TBC1D5: variants seen among roughly 807,000 people sequenced by gnomAD.
TBC1D5 encodes the protein TBC1 domain family, member 5.
A neutral mutation model predicts 100.3 loss-of-function variants in TBC1D5; 75 were observed. The observed-to-expected ratio is 0.75, with a 90% CI of 0.62 to 0.91. The LOEUF (loss-of-function observed/expected upper bound fraction) is 0.91. Ranked by LOEUF, TBC1D5 falls within the 40% of genes least tolerant of loss-of-function variation. The probability of loss-of-function intolerance (pLI) is 0.00; values close to 1 mark genes in which losing one functional copy is unlikely to be tolerated. For synonymous variants in TBC1D5, 323 were observed against 325.6 expected (o/e 0.99, Z 0.09); for missense variants, 910 against 942.4 (o/e 0.97, Z 0.45).
At chr3:17,352,698 A>C (rs191690413) in intron 13 of TBC1D5, among the ~76,000 whole-genome samples, 8,578 of 150,044 alleles carry the variant, frequency 0.057, 553 homozygotes, top group African/African-American at 0.15. Context: ...AAAAAAAAAA[A>C]ACAAAAAAAC....
intron 17 of TBC1D5, among the ~76,000 whole-genome samples, chr3:17,230,597 A>T (rs2075329025): frequency 6.6e-6 from 1 of 151,988 alleles, no homozygotes; most frequent in Non-Finnish European, 1.5e-5. Flanking sequence ...GTTTTTTTTT[A>T]ACCTTTTTAT....
At chr3:17,238,405 C>A in exon 17 of TBC1D5, 1 of 1,612,350 alleles carries the variant, frequency 6.2e-7, no homozygotes, top group East Asian at 2.2e-5. Flanking sequence ...CAGGGGAGCA[C>A]CTTTGGCATT....
intron 8 of TBC1D5, among the ~76,000 whole-genome samples, chr3:17,390,087 A>G (rs2152312366): frequency 6.6e-6 from 1 of 152,286 alleles, no homozygotes. Context: ...TATACATGAT[A>G]GAATGGCTAC....
chr3:17,440,270 A>T (rs895840264), intron 3 of TBC1D5, among the ~76,000 whole-genome samples: 14 of 152,172 alleles, frequency 9.2e-5, no homozygotes, highest in Non-Finnish European at 1.6e-4. Flanking sequence ...GCATATGCCA[A>T]GATTCTGTGG....
At chr3:17,549,013 G>C (rs985602583) in intron 2 of TBC1D5, among the ~76,000 whole-genome samples, 1 of 152,118 alleles carries the variant, frequency 6.6e-6, no homozygotes, top group Non-Finnish European at 1.5e-5. Flanking sequence ...ATTATCAAGT[G>C]GTGGCCAGGC....
At chr3:17,635,845 G>A (rs535751127) in intron 1 of TBC1D5, among the ~76,000 whole-genome samples, 2 of 152,136 alleles carry the variant, frequency 1.3e-5, no homozygotes, top group African/African-American at 4.8e-5. Flanking sequence ...AAGTTTTACT[G>A]CCAAAATGAA....
At chr3:17,706,050 G>C in intron 1 of TBC1D5, 1 of 1,580,062 alleles carries the variant, frequency 6.3e-7, no homozygotes, top group Non-Finnish European at 8.6e-7. Flanking sequence ...CTTTAAGGTG[G>C]GAGCCTACTG....
intron 3 of TBC1D5, among the ~76,000 whole-genome samples, chr3:17,484,999 CAG>C (rs1381777167): frequency 1.3e-5 from 2 of 151,926 alleles, no homozygotes; most frequent in East Asian, 3.9e-4. Flanking sequence ...TATTATTTAA[CAG>C]AGATATGATA....
At chr3:17,576,760 A>G (rs1204089164) in intron 2 of TBC1D5, among the ~76,000 whole-genome samples, 1 of 152,030 alleles carries the variant, frequency 6.6e-6, no homozygotes, top group Non-Finnish European at 1.5e-5. Context: ...ACCCATTTTG[A>G]GCAGTTAGAC....
chr3:17,583,241 T>C (rs1045965496), intron 2 of TBC1D5, among the ~76,000 whole-genome samples: 5 of 152,062 alleles, frequency 3.3e-5, no homozygotes, highest in African/African-American at 1.2e-4. Context: ...GCTGAGATCA[T>C]GCCACTGCAC....
At chr3:17,194,018 A>G (rs968240649) in intron 18 of TBC1D5, among the ~76,000 whole-genome samples, 2 of 152,220 alleles carry the variant, frequency 1.3e-5, no homozygotes, top group Non-Finnish European at 2.9e-5. Context: ...ATGAATAAAA[A>G]TCAGCTGGGG....
chr3:17,315,555 T>G (rs565203253), intron 13 of TBC1D5, among the ~76,000 whole-genome samples: 29 of 152,308 alleles, frequency 1.9e-4, no homozygotes, highest in Non-Finnish European at 3.7e-4. Flanking sequence ...AAACATGCAT[T>G]TAAAATGCTA....
At chr3:17,218,810 T>G (rs1358896832) in intron 17 of TBC1D5, among the ~76,000 whole-genome samples, 1 of 152,020 alleles carries the variant, frequency 6.6e-6, no homozygotes, top group Non-Finnish European at 1.5e-5. Context: ...TCATGAGCTG[T>G]TCTTCTATTG....
intron 1 of TBC1D5, among the ~76,000 whole-genome samples, chr3:17,726,099 C>G (rs1205668982): frequency 6.6e-6 from 1 of 152,176 alleles, no homozygotes; most frequent in African/African-American, 2.4e-5. Flanking sequence ...ACCACATTTT[C>G]TTTATCCAGT....
intron 19 of TBC1D5, among the ~76,000 whole-genome samples, chr3:17,173,883 C>A (rs1261529977): frequency 1.3e-5 from 2 of 152,262 alleles, no homozygotes; most frequent in Non-Finnish European, 2.9e-5. Context: ...GAGAGAGGGG[C>A]AGACCTGTCA....
At chr3:17,362,508 G>C (rs2091812889) in intron 13 of TBC1D5, among the ~76,000 whole-genome samples, 1 of 151,286 alleles carries the variant, frequency 6.6e-6, no homozygotes, top group Non-Finnish European at 1.5e-5. Context: ...GTCTCACTCT[G>C]TCGTCCAGGC....
intron 3 of TBC1D5, among the ~76,000 whole-genome samples, chr3:17,462,685 C>T (rs2095236820): frequency 6.6e-6 from 1 of 152,108 alleles, no homozygotes; most frequent in Non-Finnish European, 1.5e-5. Context: ...GAAAGTTCAC[C>T]TGGGTTCCTT....
At chr3:17,458,183 G>C (rs780383801) in intron 3 of TBC1D5, among the ~76,000 whole-genome samples, 1 of 152,050 alleles carries the variant, frequency 6.6e-6, no homozygotes, top group South Asian at 2.1e-4. Context: ...CCTTCTCCAT[G>C]ATCCTTCTCC....
chr3:17,444,622 A>C (rs538759759), intron 3 of TBC1D5, among the ~76,000 whole-genome samples: 17 of 152,086 alleles, frequency 1.1e-4, no homozygotes, highest in Admixed American at 1.1e-3. Flanking sequence ...TTGATCAAAA[A>C]GTATTAACAA....
Sources: gnomAD v4.1 joint callset for allele counts (sites outside exome capture counted in the v4.1 genomes callset) on GRCh38, gnomAD v4.1.1 for gene constraint, MANE v1.5 for transcripts, NCBI Gene and HGNC (gene_info 2026-07-23, HGNC 2026-07-21) for gene names.